The following TPTE2 variants were observed in gnomAD, a reference collection of about 807,000 sequenced individuals.
TPTE2 encodes phosphatidylinositol 3,4,5-trisphosphate 3-phosphatase TPTE2.
TPTE2 carries 53 observed loss-of-function variants against 78.6 expected under a neutral mutation model. The ratio of observed to expected loss-of-function variants is 0.67; its 90% CI spans 0.54 to 0.85. The LOEUF (loss-of-function observed/expected upper bound fraction) is 0.85, where lower values mean the gene tolerates loss of function less well. Ranked by LOEUF, TPTE2 falls within the 40% of genes least tolerant of loss-of-function variation. The pLI, the probability that TPTE2 is intolerant of heterozygous loss-of-function variation, is 0.00. For missense variants in TPTE2, 461 were observed against 623.0 expected (o/e 0.74, Z 2.77); for synonymous variants, 175 against 206.2 (o/e 0.85, Z 1.30).
In TPTE2 at chr13:19,447,009, A is replaced by G. The variant is rs139610491; in HGVS notation, c.973+3067T>C. Among the ~76,000 whole-genome samples the G allele has an allele frequency of 9.9e-5, 15 of 152,252 alleles. No individual in the cohort carries two copies. In the East Asian group the frequency reaches 2.9e-3, roughly 29 times the overall value. ...AATCACCATCAAATTTAAAGGCAAC[A>G]TGTGGGGAGAATATAATTACAATAC... On this transcript the variant is annotated intron_variant, in intron 13 of 19. Transcript: ENST00000400230.
the TPTE2 span, among the ~76,000 whole-genome samples, chr13:19,555,665 T>C: frequency 6.6e-6 from 1 of 152,156 alleles, no homozygotes; most frequent in Non-Finnish European, 1.5e-5. Flanking sequence ...ACTTCAATGC[T>C]TCCTTGCCAA....
intron 1 of TPTE2, among the ~76,000 whole-genome samples, chr13:19,508,577 ATTAAT>A (rs1450011905): frequency 6.6e-6 from 1 of 152,184 alleles, no homozygotes; most frequent in African/African-American, 2.4e-5. Flanking sequence ...TGAAAAGCTA[ATTAAT>A]TTAGAGTTAG....
chr13:19,517,174 C>G (rs889314056), intron 1 of TPTE2, among the ~76,000 whole-genome samples: 1 of 152,162 alleles, frequency 6.6e-6, no homozygotes, highest in African/African-American at 2.4e-5. Flanking sequence ...GGGGTCTGTT[C>G]GGCTGCCAGA....
chr13:19,453,068 C>G (rs1250270921), intron 10 of TPTE2, among the ~76,000 whole-genome samples: 2 of 148,816 alleles, frequency 1.3e-5, no homozygotes, highest in Admixed American at 1.4e-4. Context: ...ACTCTTGTTG[C>G]CCAGGCTGGA....
chr13:19,548,118 T>C, the TPTE2 span, among the ~76,000 whole-genome samples: 5 of 152,158 alleles, frequency 3.3e-5, no homozygotes, highest in East Asian at 3.8e-4. Flanking sequence ...TTGAATACTT[T>C]TAAAATATGG....
intron 13 of TPTE2, among the ~76,000 whole-genome samples, chr13:19,438,727 T>C (rs1027250557): frequency 5.3e-5 from 8 of 152,160 alleles, no homozygotes; most frequent in Non-Finnish European, 8.8e-5. Context: ...CATTTGGAAA[T>C]AGCAAGCAAG....
At chr13:19,560,593 A>T in the TPTE2 span, 2 of 1,601,518 alleles carry the variant, frequency 1.2e-6, no homozygotes, top group Non-Finnish European at 1.7e-6. Context: ...TCGGTCAAAG[A>T]GGTCACAGAG....
chr13:19,450,178 T>G lies in TPTE2; in HGVS notation c.885-14A>C. The G allele has an allele frequency of 6.2e-7, 1 of 1,610,846 alleles. No individual in the cohort carries two copies. Among genetic ancestry groups the G allele is most frequent in the Non-Finnish European group, 8.5e-7 (1 of 1,179,328 alleles). On this transcript the variant is annotated splice_polypyrimidine_tract_variant and intron_variant, in intron 12 of 19. Transcript: ENST00000400230. ...ACCACCATCTCACTGATTTCAAGTT[T>G]AAGATTTTTAGTTAAAATATTTTCA...
At chr13:19,481,339 A>G (rs994463073) in intron 4 of TPTE2, among the ~76,000 whole-genome samples, 1 of 152,204 alleles carries the variant, frequency 6.6e-6, no homozygotes, top group Non-Finnish European at 1.5e-5. Context: ...TACAATATCC[A>G]GTACATAGAT....
At chr13:19,561,324 G>C in the TPTE2 span, 64 of 715,614 alleles carry the variant, frequency 8.9e-5, no homozygotes, top group Middle Eastern at 1.2e-3. Context: ...ACACGGCGGG[G>C]GCCGCTCCAC....
chr13:19,519,161 A>G (rs1869992193), intron 1 of TPTE2, among the ~76,000 whole-genome samples: 1 of 152,140 alleles, frequency 6.6e-6, no homozygotes, highest in African/African-American at 2.4e-5. Flanking sequence ...TGGAGGATAG[A>G]GAGAGTGAGT....
intron 1 of TPTE2, among the ~76,000 whole-genome samples, chr13:19,534,636 A>C (rs1871093357): frequency 6.6e-6 from 1 of 152,212 alleles, no homozygotes; most frequent in Non-Finnish European, 1.5e-5. Flanking sequence ...AAATATTAAG[A>C]AGCACAGTAA....
chr13:19,426,924 C>G (rs181920929), intron 17 of TPTE2, among the ~76,000 whole-genome samples: 3 of 152,050 alleles, frequency 2.0e-5, no homozygotes, highest in Admixed American at 1.3e-4. Flanking sequence ...AGGCTGGTCT[C>G]AAACTCCTGG....
intron 3 of TPTE2, among the ~76,000 whole-genome samples, chr13:19,490,958 A>C (rs1472907739): frequency 6.6e-6 from 1 of 152,196 alleles, no homozygotes; most frequent in Admixed American, 6.5e-5. Context: ...AAGGGTGACC[A>C]ATGGAATAGG....
chr13:19,422,883 CTA>C, exon 20 of TPTE2: 2 of 510,622 alleles, frequency 3.9e-6, no homozygotes, highest in Non-Finnish European at 6.0e-6. Flanking sequence ...GACATTTTAT[CTA>C]TATATATTTA....
Position 19,461,005 on chromosome 13 carries a change from T to G in TPTE2, c.741+3451A>C, listed in dbSNP as rs1322697723. Among the ~76,000 whole-genome samples, 5 of 151,680 alleles carry G rather than the reference T, an allele frequency of 3.3e-5. No homozygotes were observed. In the South Asian group the frequency reaches 1.0e-3, roughly 31 times the overall value. On this transcript the variant is annotated intron_variant, in intron 10 of 19. Coordinates refer to ENST00000400230, the Ensembl canonical transcript of TPTE2. Reference sequence around the variant, plus strand: ...AACTGCCACAATTCTTTATAGTTCCTTCCATCAAGAGTTGGAGTTTATTTT... The same window carrying G: ...AACTGCCACAATTCTTTATAGTTCCGTCCATCAAGAGTTGGAGTTTATTTT...
chr13:19,511,873 C>T lies in TPTE2; in HGVS notation c.-43-8596G>A, dbSNP rs182361336. On this transcript the variant is annotated intron_variant, in intron 1 of 17. Coordinates refer to the TPTE2 transcript ENST00000390680. ...ACCACTTTTTTTAAAAAAAAAATCACCATTTTGTAATGATCACAGTTAAAC... is the reference window on the plus strand; with the variant it reads ...ACCACTTTTTTTAAAAAAAAAATCATCATTTTGTAATGATCACAGTTAAAC... Among the ~76,000 whole-genome samples, 43 of 152,040 alleles carry T rather than the reference C, an allele frequency of 2.8e-4. No individual in the cohort carries two copies. The East Asian group carries it at 8.1e-3, about 29-fold the overall frequency.
intron 1 of TPTE2, among the ~76,000 whole-genome samples, chr13:19,517,824 CAGAT>C (rs1869898213): frequency 6.6e-6 from 1 of 152,090 alleles, no homozygotes; most frequent in Non-Finnish European, 1.5e-5. Context: ...GCCATACATA[CAGAT>C]ACTCATTAAA....
At chr13:19,434,362 G>A (rs147681612) in intron 15 of TPTE2, among the ~76,000 whole-genome samples, 4,697 of 152,278 alleles carry the variant, frequency 0.031, 92 homozygotes, top group Middle Eastern at 0.058. Flanking sequence ...GGGAAAGAGC[G>A]CACAGTCTAA....
Sources: gnomAD v4.1 joint callset for allele counts (sites outside exome capture counted in the v4.1 genomes callset) on GRCh38, gnomAD v4.1.1 for gene constraint, MANE v1.5 for transcripts, NCBI Gene and HGNC (gene_info 2026-07-23, HGNC 2026-07-21) for gene names.